Variants in NDEL1 observed in about 807,000 individuals in gnomAD.
The protein encoded by NDEL1 is nudE neurodevelopment protein 1 like 1, also known as nuclear distribution protein nudE-like 1.
In NDEL1, 9 loss-of-function variants were observed where a neutral mutation model predicts 45.7. The observed-to-expected ratio is 0.20, with a 90% CI of 0.12 to 0.34. NDEL1 has a LOEUF of 0.34. Among genes scored for constraint, NDEL1 ranks in the 10% least tolerant of loss-of-function variants. The pLI is 1.00. For synonymous variants in NDEL1, 133 were observed against 158.6 expected, an observed-to-expected ratio of 0.84 and a Z score of 1.21; for missense variants, 306 against 406.2, an observed-to-expected ratio of 0.75 and a Z score of 2.12.
Position 8,454,898 on chromosome 17 carries a change from A to G in NDEL1, c.792+11A>G, listed in dbSNP as rs755917813. 8.2e-6 allele frequency: 13 copies of G among 1,594,558 alleles called. No homozygotes were observed. Among genetic ancestry groups the G allele is most frequent in the African/African-American group, 6.7e-5 (5 of 74,368 alleles). ...TTACGGAAAGTAGGGGTAAGTTTCAATTATTTATCACTAGGTGTTTCCACT... is the reference window on the plus strand; with the variant it reads ...TTACGGAAAGTAGGGGTAAGTTTCAGTTATTTATCACTAGGTGTTTCCACT... On this transcript the variant is annotated intron_variant, in intron 7 of 8. Transcript: ENST00000334527.
chr17:8,456,562 G>T (rs964553957), intron 7 of NDEL1, among the ~76,000 whole-genome samples: 1 of 136,924 alleles, frequency 7.3e-6, no homozygotes, highest in African/African-American at 2.7e-5. Flanking sequence ...GCAGCGGCAC[G>T]ATCTCAGCTC....
intron 1 of NDEL1, among the ~76,000 whole-genome samples, chr17:8,427,391 T>C (rs911645228): frequency 6.6e-6 from 1 of 152,122 alleles, no homozygotes; most frequent in South Asian, 2.1e-4. Flanking sequence ...GGACATGAGT[T>C]GGTTACCATT....
chr17:8,464,321 C>G (rs1734585799), intron 8 of NDEL1: 1 of 152,252 alleles, frequency 6.6e-6, no homozygotes, highest in African/African-American at 2.4e-5. Flanking sequence ...TCAGTCCTGT[C>G]TTGTGCACTG....
chr17:8,470,571 G>C (rs1181902679), downstream of NDEL1, among the ~76,000 whole-genome samples: 2 of 152,202 alleles, frequency 1.3e-5, no homozygotes, highest in African/African-American at 4.8e-5. This position sits in a 1 kb window ranked among gnomAD's most constrained non-coding sequence, Gnocchi z 4.2. Context: ...ATACAGAGGT[G>C]ACCTGAGGAC....
At chr17:8,473,031 G>A (rs77910259), downstream of NDEL1, among the ~76,000 whole-genome samples, 1 of 152,228 alleles carries the variant, frequency 6.6e-6, no homozygotes, top group Admixed American at 6.5e-5. Flanking sequence ...TAGGTCTGGA[G>A]TGTCGGGTCA....
At chr17:8,466,326 T>C (rs539742504) in intron 8 of NDEL1, 1 of 152,780 alleles carries the variant, frequency 6.5e-6, no homozygotes, top group Non-Finnish European at 1.5e-5. Context: ...TGCGTATATA[T>C]AATGTATGTA....
At chr17:8,457,280 G>A (rs188273820) in intron 7 of NDEL1, among the ~76,000 whole-genome samples, 6 of 152,104 alleles carry the variant, frequency 3.9e-5, no homozygotes, top group Non-Finnish European at 1.5e-5. Flanking sequence ...TGTCGCCCTC[G>A]AATTTCTCTC....
intron 1 of NDEL1, among the ~76,000 whole-genome samples, chr17:8,422,007 A>G (rs535865088): frequency 6.6e-6 from 1 of 152,298 alleles, no homozygotes; most frequent in African/African-American, 2.4e-5. Flanking sequence ...TCACTTTAAC[A>G]AAATCAGCTG....
intron 7 of NDEL1, 85 bp from the exon 8 acceptor site, chr17:8,459,924 C>T (rs1911089663): frequency 7.1e-7 from 1 of 1,403,372 alleles, no homozygotes; most frequent in Non-Finnish European, 9.8e-7. Context: ...AGTTTTGAGG[C>T]TTGAAATAGA....
chr17:8,423,042 C>T (rs574240916), intron 1 of NDEL1, among the ~76,000 whole-genome samples: 45 of 152,222 alleles, frequency 3.0e-4, no homozygotes, highest in African/African-American at 9.6e-4. Context: ...CTTGTAATTT[C>T]GAAGCAGACA....
intron 3 of NDEL1, 90 bp from the exon 4 acceptor site, chr17:8,446,664 G>GA (rs1023199264): frequency 5.3e-6 from 6 of 1,129,682 alleles, no homozygotes; most frequent in Non-Finnish European, 7.1e-6. Flanking sequence ...AATTCCTTGG[G>GA]TTCCCCCCCA....
intron 1 of NDEL1, among the ~76,000 whole-genome samples, chr17:8,421,799 C>CCCTCA (rs1198957321): frequency 6.6e-6 from 1 of 152,124 alleles, no homozygotes; most frequent in Non-Finnish European, 1.5e-5. Flanking sequence ...TTAGTCATTA[C>CCCTCA]CCTCACCCTC....
chr17:8,439,262 G>A (rs181644371), intron 1 of NDEL1, among the ~76,000 whole-genome samples: 1 of 145,554 alleles, frequency 6.9e-6, no homozygotes, highest in Admixed American at 6.9e-5. Flanking sequence ...TTTTATTTGA[G>A]ATGGAATCTC....
At chr17:8,460,521 T>A (rs1911132374) in intron 8 of NDEL1, among the ~76,000 whole-genome samples, 1 of 152,196 alleles carries the variant, frequency 6.6e-6, no homozygotes. Flanking sequence ...ATTAAATATA[T>A]GCAAACTCTA....
intron 7 of NDEL1, among the ~76,000 whole-genome samples, chr17:8,458,402 TC>T (rs919904213): frequency 6.6e-6 from 1 of 151,940 alleles, no homozygotes; most frequent in Non-Finnish European, 1.5e-5. Context: ...GACCACCCTT[TC>T]CCCCCTCAAA....
At chr17:8,445,485 C>A (rs533048748) in intron 2 of NDEL1, among the ~76,000 whole-genome samples, 2 of 23,184 alleles carry the variant, frequency 8.6e-5, no homozygotes, top group Admixed American at 8.7e-4. Flanking sequence ...CGTAGCCTTA[C>A]TTTTCATAAA....
chr17:8,454,135 AG>A (rs1301132651), intron 6 of NDEL1, among the ~76,000 whole-genome samples: 1 of 152,186 alleles, frequency 6.6e-6, no homozygotes, highest in Non-Finnish European at 1.5e-5. Flanking sequence ...TATGACATTA[AG>A]ATGGAAAAGC....
At chr17:8,468,977 C>T (rs1911764260), downstream of NDEL1, among the ~76,000 whole-genome samples, 1 of 152,102 alleles carries the variant, frequency 6.6e-6, no homozygotes, top group Non-Finnish European at 1.5e-5. Context: ...GCACTCCAGC[C>T]TGGGTGACAG....
intron 1 of NDEL1, among the ~76,000 whole-genome samples, chr17:8,438,797 C>T (rs189363961): frequency 8.6e-5 from 13 of 151,876 alleles, no homozygotes; most frequent in African/African-American, 1.7e-4. Context: ...TTAATATGCG[C>T]GAGCCACTGT....
Sources: gnomAD v4.1 joint callset for allele counts (sites outside exome capture counted in the v4.1 genomes callset) on GRCh38, gnomAD v4.1.1 for gene constraint, Gnocchi (gnomAD v3.1) non-coding constraint, MANE v1.5 for transcripts, NCBI Gene and HGNC (gene_info 2026-07-23, HGNC 2026-07-21) for gene names.